Variants in CNTN3 observed in about 807,000 individuals in gnomAD.
CNTN3 encodes contactin-3.
A neutral mutation model predicts 119.1 loss-of-function variants in CNTN3; 60 were observed. That is an observed-to-expected ratio of 0.50 (90% CI 0.41 to 0.62). The LOEUF (loss-of-function observed/expected upper bound fraction) is 0.62. Ranked by LOEUF, CNTN3 falls within the 20% of genes least tolerant of loss-of-function variation. The pLI, the probability that CNTN3 is intolerant of heterozygous loss-of-function variation, is 0.00. For synonymous variants in CNTN3, 450 were observed against 438.7 expected, an observed-to-expected ratio of 1.03 and a Z score of -0.32; for missense variants, 1,101 against 1,242.4, an observed-to-expected ratio of 0.89 and a Z score of 1.71.
At chr3:74,458,350 C>T (rs1702306241) in intron 4 of CNTN3, among the ~76,000 whole-genome samples, 3 of 152,012 alleles carry the variant, frequency 2.0e-5, no homozygotes, top group Admixed American at 2.0e-4. Context: ...CAGGCTGCCA[C>T]ATGTTTTTGT....
intron 5 of CNTN3, among the ~76,000 whole-genome samples, chr3:74,409,653 G>A (rs1457853848): frequency 6.6e-6 from 1 of 152,082 alleles, no homozygotes; most frequent in Non-Finnish European, 1.5e-5. Context: ...TCTTTGGACA[G>A]AACTGTCTCA....
intron 1 of CNTN3, among the ~76,000 whole-genome samples, chr3:74,548,039 A>C (rs181265212): frequency 2.8e-3 from 430 of 152,286 alleles, no homozygotes; most frequent in Middle Eastern, 0.01. Context: ...GCTACTTACT[A>C]AATGAACCAT....
At chr3:74,321,256 G>C (rs1702980736) in intron 13 of CNTN3, among the ~76,000 whole-genome samples, 1 of 152,036 alleles carries the variant, frequency 6.6e-6, no homozygotes, top group South Asian at 2.1e-4. Flanking sequence ...ACCTGTATGT[G>C]TGCCCACTGA....
At chr3:74,453,596 A>C (rs1274597045) in intron 4 of CNTN3, among the ~76,000 whole-genome samples, 1 of 150,526 alleles carries the variant, frequency 6.6e-6, no homozygotes, top group Non-Finnish European at 1.5e-5. Context: ...TAGTTCTTTT[A>C]ATTGTGATGT....
chr3:74,527,309 T>C (rs1312592678), intron 1 of CNTN3, among the ~76,000 whole-genome samples: 1 of 151,930 alleles, frequency 6.6e-6, no homozygotes, highest in Non-Finnish European at 1.5e-5. Context: ...ATGTCATCTC[T>C]GACATTCTGT....
At chr3:74,565,911 G>A (rs1312214444) in intron 1 of CNTN3, among the ~76,000 whole-genome samples, 1 of 152,034 alleles carries the variant, frequency 6.6e-6, no homozygotes, top group Admixed American at 6.6e-5. Context: ...TGAATCATGG[G>A]GGCAAGTCTT....
chr3:74,498,841 T>C (rs1409743017), intron 3 of CNTN3, among the ~76,000 whole-genome samples: 1 of 151,872 alleles, frequency 6.6e-6, no homozygotes, highest in Non-Finnish European at 1.5e-5. Context: ...CGTGTTGTTT[T>C]AAAGGTGTCT....
intron 4 of CNTN3, among the ~76,000 whole-genome samples, chr3:74,428,559 C>T (rs1435952876): frequency 1.3e-5 from 2 of 152,172 alleles, no homozygotes; most frequent in African/African-American, 2.4e-5. Flanking sequence ...TAAAGCTCCA[C>T]AATGTGTGTT....
intron 4 of CNTN3, among the ~76,000 whole-genome samples, chr3:74,427,062 C>G (rs920301209): frequency 8.5e-5 from 13 of 152,134 alleles, no homozygotes; most frequent in African/African-American, 2.9e-4. Context: ...TCTCTTTTGC[C>G]TAAGCACAAA....
intron 1 of CNTN3, among the ~76,000 whole-genome samples, chr3:74,544,492 A>G (rs1255352258): frequency 1.3e-5 from 2 of 152,164 alleles, no homozygotes; most frequent in South Asian, 2.1e-4. Context: ...TAAAAATTCA[A>G]TGACAGAACC....
chr3:74,307,641 G>C (rs1264092992), intron 13 of CNTN3, among the ~76,000 whole-genome samples: 2 of 152,040 alleles, frequency 1.3e-5, no homozygotes, highest in African/African-American at 4.8e-5. Context: ...ACCCATACCA[G>C]ATAAAAATAA....
At chr3:74,496,607 TC>T (rs75374295) in intron 3 of CNTN3, among the ~76,000 whole-genome samples, 12,996 of 152,060 alleles carry the variant, frequency 0.085, 664 homozygotes, top group East Asian at 0.24. Context: ...CTATTTGTGG[TC>T]TTTCATCTTA....
At chr3:74,583,652 G>A (rs922947973) in intron 1 of CNTN3, among the ~76,000 whole-genome samples, 1 of 152,178 alleles carries the variant, frequency 6.6e-6, no homozygotes, top group Admixed American at 6.5e-5. Context: ...GGGTACCTGT[G>A]ACTAGCTGGG....
At chr3:74,571,760 TG>T (rs1322060401) in intron 1 of CNTN3, among the ~76,000 whole-genome samples, 1 of 152,192 alleles carries the variant, frequency 6.6e-6, no homozygotes, top group East Asian at 1.9e-4. Flanking sequence ...ACTTAGAAAC[TG>T]GGAAGCAAAA....
intron 5 of CNTN3, among the ~76,000 whole-genome samples, chr3:74,371,878 T>C (rs773365947): frequency 1.3e-5 from 2 of 152,106 alleles, no homozygotes; most frequent in African/African-American, 4.8e-5. Context: ...ATGCTCTCTT[T>C]TGTCCCTGAG....
chr3:74,493,503 G>GA (rs1383970766), intron 3 of CNTN3, among the ~76,000 whole-genome samples: 1 of 152,118 alleles, frequency 6.6e-6, no homozygotes, highest in Non-Finnish European at 1.5e-5. Flanking sequence ...GAACCAACGC[G>GA]AAAAGAACAA....
intron 2 of CNTN3, among the ~76,000 whole-genome samples, chr3:74,518,834 T>C (rs1703494563): frequency 6.6e-6 from 1 of 151,898 alleles, no homozygotes; most frequent in Admixed American, 6.6e-5. Flanking sequence ...AGGCTGTATT[T>C]GCATACACTG....
chr3:74,432,203 A>G (rs1026300057), intron 4 of CNTN3, among the ~76,000 whole-genome samples: 1 of 152,190 alleles, frequency 6.6e-6, no homozygotes, highest in Non-Finnish European at 1.5e-5. Context: ...TGCAAAAGCT[A>G]AGAAGAAACC....
intron 3 of CNTN3, among the ~76,000 whole-genome samples, chr3:74,497,690 T>G (rs1444869017): frequency 6.6e-6 from 1 of 151,902 alleles, no homozygotes; most frequent in Non-Finnish European, 1.5e-5. Flanking sequence ...AATTTCTTCA[T>G]TTATCAAACC....
Sources: gnomAD v4.1 joint callset for allele counts (sites outside exome capture counted in the v4.1 genomes callset) on GRCh38, gnomAD v4.1.1 for gene constraint, MANE v1.5 for transcripts, NCBI Gene and HGNC (gene_info 2026-07-23, HGNC 2026-07-21) for gene names.